Variants in EBF2 observed in about 807,000 individuals in gnomAD.
EBF2 encodes EBF transcription factor 2, also known as transcription factor COE2.
In EBF2, 21 loss-of-function variants were observed where a neutral mutation model predicts 72.8. That is an observed-to-expected ratio of 0.29 (90% CI 0.20 to 0.42). EBF2 has a LOEUF of 0.42. Among genes scored for constraint, EBF2 ranks in the 10% least tolerant of loss-of-function variants. The pLI is 1.00. For synonymous variants in EBF2, 299 were observed against 274.2 expected (o/e 1.09, Z -0.89); for missense variants, 637 against 731.2 (o/e 0.87, Z 1.49).
chr8:26,012,067 C>T (rs1805033780), intron 6 of EBF2, among the ~76,000 whole-genome samples: 1 of 152,240 alleles, frequency 6.6e-6, no homozygotes, highest in East Asian at 1.9e-4. Context: ...TATTCTAAGA[C>T]AGAAAGAAAG....
intron 6 of EBF2, among the ~76,000 whole-genome samples, chr8:25,919,931 G>A (rs1803280961): frequency 6.6e-6 from 1 of 152,206 alleles, no homozygotes; most frequent in South Asian, 2.1e-4. Flanking sequence ...TATTACTTGG[G>A]TAGTTTGGAA....
intron 6 of EBF2, chr8:26,031,318 A>C (rs541738536): frequency 1.3e-4 from 20 of 148,536 alleles, no homozygotes; most frequent in African/African-American, 4.7e-4. Context: ...AACAGATCCA[A>C]CTCATCAGTT....
chr8:25,957,397 G>C (rs1563412996), intron 6 of EBF2, among the ~76,000 whole-genome samples: 1 of 152,228 alleles, frequency 6.6e-6, no homozygotes, highest in Non-Finnish European at 1.5e-5. Context: ...GGATGGTAAA[G>C]TGACTTGGGC....
chr8:25,872,253 T>C (rs1802451383), intron 10 of EBF2, among the ~76,000 whole-genome samples: 1 of 152,154 alleles, frequency 6.6e-6, no homozygotes, highest in African/African-American at 2.4e-5. Flanking sequence ...ATTGCAAAGA[T>C]GGCAACATCA....
intron 6 of EBF2, among the ~76,000 whole-genome samples, chr8:25,933,360 A>T (rs1210044039): frequency 2.6e-5 from 4 of 152,188 alleles, no homozygotes; most frequent in African/African-American, 9.7e-5. Context: ...TTAATTAGAC[A>T]TGCTGCCACG....
In EBF2 at chr8:25,858,379, A is replaced by C. The variant is rs1156879434; in HGVS notation, c.1468T>G (p.Leu490Val). 6.2e-7 allele frequency: 1 copy of C among 1,614,080 alleles called. No individual in the cohort carries two copies. Among genetic ancestry groups the C allele is most frequent in the Non-Finnish European group, 8.5e-7 (1 of 1,180,040 alleles). ...AATCCTGGTGAACCTGGAACACCCA[A>C]GTTGGCCATGGGGACATTGCTGTAG... Reference protein sequence around the residue: ...NGYSNVPMANLGVPGSPGFLN... With the variant: ...NGYSNVPMANVGVPGSPGFLN... Residue 490 changes from leucine to valine, a missense_variant, in exon 14 of 16, where the codon TTG (leucine) becomes GTG (valine). Around this residue, in one of 3 missense-constraint regions of EBF2, gnomAD observed 259 missense variants for 268.1 expected, o/e 0.97. Transcript: ENST00000520164.
chr8:25,958,775 T>C (rs1803989337), intron 6 of EBF2, among the ~76,000 whole-genome samples: 1 of 152,206 alleles, frequency 6.6e-6, no homozygotes, highest in Admixed American at 6.5e-5. Context: ...CTTTCTTTAT[T>C]TCCCTCCCTG....
intron 6 of EBF2, among the ~76,000 whole-genome samples, chr8:25,912,994 AC>A (rs1230641838): frequency 6.6e-6 from 1 of 152,162 alleles, no homozygotes; most frequent in Admixed American, 6.5e-5. Flanking sequence ...AGGAAAGGTA[AC>A]TACTTAATAT....
chr8:25,994,807 A>T (rs1804598088), intron 6 of EBF2, among the ~76,000 whole-genome samples: 1 of 152,184 alleles, frequency 6.6e-6, no homozygotes, highest in Non-Finnish European at 1.5e-5. Flanking sequence ...GTAGGCAAAA[A>T]AAACTACCTA....
chr8:25,928,280 T>A (rs1385722), intron 6 of EBF2, among the ~76,000 whole-genome samples: 40,841 of 151,852 alleles, frequency 0.27, 6,468 homozygotes, highest in African/African-American at 0.44. Context: ...CTGCAGGAAT[T>A]GAAGAACCTC....
chr8:25,846,486 A>C (rs563112113), intron 15 of EBF2, among the ~76,000 whole-genome samples: 1 of 152,210 alleles, frequency 6.6e-6, no homozygotes, highest in Non-Finnish European at 1.5e-5. Flanking sequence ...CCAGGAGTTC[A>C]AGACCAGCCT....
chr8:25,852,679 A>G (rs1158249513), intron 14 of EBF2, among the ~76,000 whole-genome samples: 1 of 152,240 alleles, frequency 6.6e-6, no homozygotes, highest in Non-Finnish European at 1.5e-5. Context: ...GAATTGTTGC[A>G]GAGTTGAGCA....
At chr8:26,042,950 A>C (rs1805630493) in intron 1 of EBF2, among the ~76,000 whole-genome samples, 1 of 152,148 alleles carries the variant, frequency 6.6e-6, no homozygotes, top group Non-Finnish European at 1.5e-5. Context: ...GGCCACCACA[A>C]ATGAGATGAC....
chr8:25,976,403 C>A (rs932396062), intron 6 of EBF2, among the ~76,000 whole-genome samples: 2 of 152,146 alleles, frequency 1.3e-5, no homozygotes, highest in Admixed American at 6.5e-5. Context: ...CCTATAGAAC[C>A]CAAACTACCA....
intron 10 of EBF2, among the ~76,000 whole-genome samples, chr8:25,871,299 G>C (rs1486653852): frequency 6.6e-6 from 1 of 152,184 alleles, no homozygotes; most frequent in Admixed American, 6.5e-5. Context: ...GCCATTAACT[G>C]CCATCATCAG....
chr8:26,006,061 G>C (rs1804876830), intron 6 of EBF2, among the ~76,000 whole-genome samples: 1 of 152,064 alleles, frequency 6.6e-6, no homozygotes. Context: ...AACATCCTTG[G>C]ACAGAGACAA....
At chr8:26,019,087 G>C (rs1309206850) in intron 6 of EBF2, among the ~76,000 whole-genome samples, 2 of 152,160 alleles carry the variant, frequency 1.3e-5, no homozygotes, top group South Asian at 2.1e-4. Flanking sequence ...CCTGGGTCAG[G>C]CTTTCTGCCT....
Sources: allele counts gnomAD v4.1 joint callset (sites outside exome capture counted in the v4.1 genomes callset), GRCh38; gene constraint gnomAD v4.1.1; regional missense constraint gnomAD v4.1.1; transcripts MANE v1.5; gene names NCBI Gene and HGNC (gene_info 2026-07-23, HGNC 2026-07-21).